HPF1: variants seen among roughly 807,000 people sequenced by gnomAD.
HPF1 encodes histone PARylation factor 1, also known as UPF0609 protein C4orf27.
In HPF1, 35 loss-of-function variants were observed where a neutral mutation model predicts 38.8. The observed-to-expected ratio is 0.90, with a 90% CI of 0.69 to 1.19. The LOEUF (loss-of-function observed/expected upper bound fraction) is 1.19, where lower values mean the gene tolerates loss of function less well. HPF1 is among the 50% of genes most tolerant of loss of function. The pLI is 0.00. For missense variants in HPF1, 367 were observed against 405.8 expected, an observed-to-expected ratio of 0.90 and a Z score of 0.82; for synonymous variants, 115 against 139.2, an observed-to-expected ratio of 0.83 and a Z score of 1.22.
chr4:169,729,609 C>A lies in HPF1; in HGVS notation c.1010G>T (p.Ser337Ile), dbSNP rs201314349. ...AGCAAGTTGGTCTATGTTCTCTTGA[C>A]TTCTGTTTGCCAGATGCTCCTCAAT... ...EIIEEHLANR[S>I]QENIDQLAA The change falls in exon 8 of 8, where the codon AGT (serine) becomes ATT (isoleucine). Residue 337 changes from serine (S) to isoleucine (I), a missense_variant. Ser to Ile is a moderately radical substitution (Grantham distance 142). Transcript: ENST00000393381. The A allele has an allele frequency of 6.3e-7, 1 of 1,587,516 alleles. No individual in the cohort carries two copies. The highest frequency in any genetic ancestry group is 2.3e-5 in the East Asian group (1 of 43,356).
intron 7 of HPF1, among the ~76,000 whole-genome samples, 186 bp from the exon 8 acceptor site, chr4:169,729,895 G>T (rs1733807519): frequency 6.6e-6 from 1 of 152,144 alleles, no homozygotes; most frequent in Admixed American, 6.5e-5. Flanking sequence ...CAGTCTTGTT[G>T]CTCTAGATGA....
chr4:169,731,697 T>A lies in HPF1; in HGVS notation c.909+7A>T. The A allele has an allele frequency of 6.6e-7, 1 of 1,507,518 alleles. No homozygotes were observed. Among genetic ancestry groups the A allele is most frequent in the Admixed American group, 2.4e-5 (1 of 41,396 alleles). 93.4% of individuals were successfully genotyped at this position (1,507,518 alleles called of 1,614,324 possible). A position where few individuals can be genotyped will look rare whatever the true frequency, so the allele number is the denominator to read the frequency against. ...GTGGGTAGAAGGTGGAGGGTTTTTT[T>A]ACTCACATGTGAGCCATAGCAAAAG... On this transcript the variant is annotated splice_region_variant and intron_variant, in intron 7 of 7. Coordinates refer to ENST00000393381, the MANE Select transcript of HPF1 (RefSeq NM_017867.3).
In HPF1 at chr4:169,748,838, AATCCCTGTG is replaced by A. The variant is rs765641709; in HGVS notation, c.399-5_402del. Reference sequence around the variant, plus strand: ...ACATATACAGGAAATTCATCAGGAGAATCCCTGTGTAAGCAAAAGACATTAAAAATTTAG... The same window carrying A: ...ACATATACAGGAAATTCATCAGGAGATAAGCAAAAGACATTAAAAATTTAG... On this transcript the variant is annotated splice_acceptor_variant and splice_polypyrimidine_tract_variant and coding_sequence_variant and intron_variant, in exon 4 of 8. Coordinates refer to ENST00000393381, the MANE Select transcript of HPF1 (RefSeq NM_017867.3). LOFTEE classifies it high-confidence loss of function. 1 of 1,439,756 alleles carries A rather than the reference AATCCCTGTG, an allele frequency of 6.9e-7. No individual in the cohort carries two copies. Among genetic ancestry groups the A allele is most frequent in the South Asian group, 1.3e-5 (1 of 77,950 alleles). The allele number at this position is 1,439,756 out of a possible 1,614,324, so 89.2% of individuals were successfully genotyped here.
chr4:169,746,553 G>A (rs1734049965), intron 4 of HPF1, among the ~76,000 whole-genome samples: 1 of 151,806 alleles, frequency 6.6e-6, no homozygotes, highest in African/African-American at 2.4e-5. Flanking sequence ...TGGTTAAATT[G>A]GCATTTCTTT....
chr4:169,733,894 CAAA>C (rs35974645), intron 6 of HPF1, among the ~76,000 whole-genome samples: 42 of 122,262 alleles, frequency 3.4e-4, no homozygotes, highest in Non-Finnish European at 3.6e-4. Context: ...GACCCTGTCT[CAAA>C]AAAAAAAAAA....
At chr4:169,750,834 A>G in intron 2 of HPF1, 109 bp from the exon 3 acceptor site, 2 of 813,150 alleles carry the variant, frequency 2.5e-6, no homozygotes, top group South Asian at 4.2e-5. Context: ...TTCTAAACTA[A>G]AAAAATCTTG....
At chr4:169,734,954 C>T (rs1373100883) in intron 6 of HPF1, among the ~76,000 whole-genome samples, 3 of 152,022 alleles carry the variant, frequency 2.0e-5, no homozygotes, top group African/African-American at 7.3e-5. Flanking sequence ...GGTTGAAACC[C>T]TGTCTCTACT....
At chr4:169,744,565 G>C (rs1734021971) in intron 4 of HPF1, among the ~76,000 whole-genome samples, 1 of 152,116 alleles carries the variant, frequency 6.6e-6, no homozygotes, top group Non-Finnish European at 1.5e-5. Flanking sequence ...ATCATGCAAT[G>C]GCCCTTTGGA....
chr4:169,754,353 A>T (rs547918365), intron 1 of HPF1, among the ~76,000 whole-genome samples: 3 of 152,324 alleles, frequency 2.0e-5, no homozygotes, highest in Admixed American at 1.3e-4. Flanking sequence ...CCAGATAAAG[A>T]GGGAAGGTTA....
intron 7 of HPF1, 89 bp downstream of exon 7, chr4:169,731,613 TAA>T (rs920896465): frequency 8.2e-6 from 8 of 969,724 alleles, no homozygotes; most frequent in Middle Eastern, 2.3e-4. Flanking sequence ...TTTGGGGGTA[TAA>T]ATGTGCACGT....
chr4:169,748,564 G>A (rs1331977388), intron 4 of HPF1, among the ~76,000 whole-genome samples, 180 bp downstream of exon 4: 1 of 151,834 alleles, frequency 6.6e-6, no homozygotes, highest in Non-Finnish European at 1.5e-5. Context: ...GTAGAGATGG[G>A]GTATACCCAT....
At chr4:169,757,761 G>A (rs965474805) in intron 1 of HPF1, 69 bp downstream of exon 1, 1 of 1,367,680 alleles carries the variant, frequency 7.3e-7, no homozygotes, top group Non-Finnish European at 1.0e-6. Context: ...AATGAAAAGC[G>A]CTGCCTCCTG....
rs1733918864 is a variant in HPF1, at chr4:169,737,809, C to G, written c.649-62G>C. On this transcript the variant is annotated intron_variant, in intron 5 of 7. Transcript: ENST00000393381. ...AGCAGACATCAAAAAAAAAAATCCC[C>G]AAATACATAAACCCTCAACATTTCT... 16 of 1,023,328 alleles carry G rather than the reference C, an allele frequency of 1.6e-5. No homozygotes were observed. The South Asian group carries it at 2.0e-4, about 13-fold the overall frequency. The allele number at this position is 1,023,328 out of a possible 1,614,324, so 63.4% of individuals were successfully genotyped here. A position where few individuals can be genotyped will look rare whatever the true frequency, so the allele number is the denominator to read the frequency against.
At chr4:169,737,453 G>T (rs1379546966) in intron 6 of HPF1, among the ~76,000 whole-genome samples, 1 of 151,942 alleles carries the variant, frequency 6.6e-6, no homozygotes, top group Non-Finnish European at 1.5e-5. Flanking sequence ...ATTTCACAGG[G>T]TTAAATAATT....
chr4:169,748,697 A>G (rs774820484), intron 4 of HPF1, 47 bp downstream of exon 4: 1 of 895,554 alleles, frequency 1.1e-6, no homozygotes, highest in South Asian at 1.6e-5. Flanking sequence ...GTAATGGACT[A>G]ATGTAGTATA....
chr4:169,757,794 C>T, intron 1 of HPF1, 36 bp downstream of exon 1: 1 of 1,540,082 alleles, frequency 6.5e-7, no homozygotes, highest in South Asian at 1.2e-5. Context: ...TCACCCAAAG[C>T]GCCCCGCGTA....
chr4:169,757,729 C>T, intron 1 of HPF1, 101 bp downstream of exon 1: 1 of 1,163,730 alleles, frequency 8.6e-7, no homozygotes, highest in Non-Finnish European at 1.2e-6. Context: ...GGACACACAG[C>T]AAGCTTAATA....
chr4:169,752,281 T>C (rs966362677), intron 2 of HPF1, among the ~76,000 whole-genome samples: 2 of 151,038 alleles, frequency 1.3e-5, no homozygotes, highest in Admixed American at 1.3e-4. Context: ...AGCAATTCTC[T>C]GCCTCAGCCT....
At chr4:169,734,883 T>G (rs569741248) in intron 6 of HPF1, among the ~76,000 whole-genome samples, 1 of 152,228 alleles carries the variant, frequency 6.6e-6, no homozygotes, top group East Asian at 1.9e-4. Flanking sequence ...GCCGGGGCTT[T>G]GGGAAGCCAA....
Sources: gnomAD v4.1 joint callset for allele counts (sites outside exome capture counted in the v4.1 genomes callset) on GRCh38, gnomAD v4.1.1 for gene constraint, MANE v1.5 for transcripts, NCBI Gene and HGNC (gene_info 2026-07-23, HGNC 2026-07-21) for gene names.